Variants in CCDC125 observed in about 807,000 individuals in gnomAD.
The protein encoded by CCDC125 is coiled-coil domain-containing protein 125.
In CCDC125, 43 loss-of-function variants were observed where a neutral mutation model predicts 57.4. The ratio of observed to expected loss-of-function variants is 0.75; its 90% CI spans 0.59 to 0.97. CCDC125 has a LOEUF of 0.97. CCDC125 is among the 50% of genes least tolerant of loss of function. CCDC125 has a pLI of 0.00. For synonymous variants in CCDC125, 187 were observed against 195.2 expected, an observed-to-expected ratio of 0.96 and a Z score of 0.35; for missense variants, 563 against 595.7, an observed-to-expected ratio of 0.95 and a Z score of 0.57.
At chr5:69,312,545 T>G (rs915032380) in intron 3 of CCDC125, among the ~76,000 whole-genome samples, 1 of 152,220 alleles carries the variant, frequency 6.6e-6, no homozygotes. Context: ...GACTCTGGGC[T>G]TCTGACTTTA....
rs1247359166 is a variant in CCDC125, at chr5:69,286,187, ACTATATATATATATATATATATAT to A, written c.1100-744_1100-721del. ...CACTTAAAAACAGTTCAAATGGTAA[ACTATATATATATATATATATATAT>A]ATATATATATATATATATATATAAT... On this transcript the variant is annotated intron_variant, in intron 10 of 11. Coordinates refer to ENST00000396496, the MANE Select transcript of CCDC125 (RefSeq NM_176816.5). Among the ~76,000 whole-genome samples the A allele has an allele frequency of 1.3e-4, 7 of 53,942 alleles. 1 individual carries two copies. In the East Asian group the frequency reaches 2.2e-3, roughly 17 times the overall value. The allele number at this position is 53,942 out of a possible 152,430, so 35.4% of individuals were successfully genotyped here. A position where few individuals can be genotyped will look rare whatever the true frequency, so the allele number is the denominator to read the frequency against.
intron 9 of CCDC125, chr5:69,294,167 T>C (rs1353785406): frequency 4.1e-6 from 4 of 979,554 alleles, no homozygotes; most frequent in Admixed American, 1.2e-4. Flanking sequence ...ATCCTAGTGA[T>C]TTTAAGCATA....
chr5:69,305,451 G>A (rs1230792881), intron 6 of CCDC125, among the ~76,000 whole-genome samples: 2 of 152,110 alleles, frequency 1.3e-5, no homozygotes, highest in African/African-American at 2.4e-5. Flanking sequence ...GGCCTCAAGT[G>A]ATCCACCTGC....
In CCDC125 at chr5:69,311,263, C is replaced by T. The variant is rs1003975531; in HGVS notation, c.367-59G>A. 9.5e-6 allele frequency: 10 copies of T among 1,047,230 alleles called. No homozygotes were observed. In the Admixed American group the frequency reaches 1.0e-4, roughly 11 times the overall value. The allele number at this position is 1,047,230 out of a possible 1,614,324, so 64.9% of individuals were successfully genotyped here. A position where few individuals can be genotyped will look rare whatever the true frequency, so the allele number is the denominator to read the frequency against. ...GCAAGATATGCAACCCTAAAATTATCAGTTTGGCTAGTCTACATTTACCCT... is the reference window on the plus strand; with the variant it reads ...GCAAGATATGCAACCCTAAAATTATTAGTTTGGCTAGTCTACATTTACCCT... On this transcript the variant is annotated intron_variant, in intron 3 of 11. Transcript: ENST00000396496.
At chr5:69,313,670 G>A in intron 3 of CCDC125, 1 of 753,472 alleles carries the variant, frequency 1.3e-6, no homozygotes, top group South Asian at 1.4e-5. Flanking sequence ...AGGTGGCATA[G>A]GGGTTGTCGA....
chr5:69,331,862 C>A (rs997674840), intron 1 of CCDC125, among the ~76,000 whole-genome samples: 1 of 152,230 alleles, frequency 6.6e-6, no homozygotes, highest in Non-Finnish European at 1.5e-5. Context: ...TGAGTCTTCC[C>A]AGTTCTGGGA....
chr5:69,326,078 C>T (rs1257084219), intron 1 of CCDC125, among the ~76,000 whole-genome samples: 1 of 152,064 alleles, frequency 6.6e-6, no homozygotes, highest in Non-Finnish European at 1.5e-5. Flanking sequence ...CTCACGGGAT[C>T]CTTCCACCTC....
chr5:69,319,473 C>T (rs1759669224), intron 2 of CCDC125, among the ~76,000 whole-genome samples: 1 of 150,488 alleles, frequency 6.6e-6, no homozygotes, highest in East Asian at 2.0e-4. Flanking sequence ...GAAATATAAA[C>T]ATCGACTACT....
At chr5:69,323,459 C>T (rs963541728) in intron 1 of CCDC125, among the ~76,000 whole-genome samples, 1 of 151,994 alleles carries the variant, frequency 6.6e-6, no homozygotes. Flanking sequence ...CACTTCATTC[C>T]CGTGGATTTA....
In CCDC125 at chr5:69,316,714, T is replaced by C. The variant is rs374906988; in HGVS notation, c.305-2668A>G. Among the ~76,000 whole-genome samples, 112 of 152,288 alleles carry C rather than the reference T, an allele frequency of 7.4e-4. 2 individuals carry two copies. In the East Asian group the frequency reaches 0.019, roughly 26 times the overall value. ...TTTTTTGTGGAGTGTGGTCTTTCTA[T>C]GTTGACCAGGCTGGTGTCGAACTCC... On this transcript the variant is annotated intron_variant, in intron 2 of 11. Transcript: ENST00000396496.
chr5:69,316,046 ACTTT>A (rs1346532298), intron 2 of CCDC125, among the ~76,000 whole-genome samples: 1 of 152,174 alleles, frequency 6.6e-6, no homozygotes, highest in African/African-American at 2.4e-5. Context: ...TCTCAAAACA[ACTTT>A]CTTTGCTATT....
chr5:69,325,049 G>A (rs1376861879), intron 1 of CCDC125, among the ~76,000 whole-genome samples: 1 of 152,138 alleles, frequency 6.6e-6, no homozygotes, highest in South Asian at 2.1e-4. Context: ...ATTAGGCTGG[G>A]TGTGGTGGTT....
chr5:69,315,455 A>AC (rs1471203150), intron 2 of CCDC125, among the ~76,000 whole-genome samples: 2 of 9,264 alleles, frequency 2.2e-4, no homozygotes, highest in Non-Finnish European at 1.3e-3. Context: ...AAAAACAAAA[A>AC]AAAAAACAAA....
At chr5:69,277,267 C>G (rs1398156356), downstream of CCDC125, 1 of 506,830 alleles carries the variant, frequency 2.0e-6, no homozygotes, top group East Asian at 3.2e-5. Context: ...ATATGTAAAA[C>G]TATGGGTTAT....
At chr5:69,324,456 C>T (rs1326781551) in intron 1 of CCDC125, among the ~76,000 whole-genome samples, 1 of 152,202 alleles carries the variant, frequency 6.6e-6, no homozygotes, top group Admixed American at 6.5e-5. Context: ...GACCTGGCAA[C>T]TGCATTCTTC....
rs537472739 is a variant in CCDC125, at chr5:69,308,071, A to G, written c.454-43T>C. On this transcript the variant is annotated intron_variant, in intron 4 of 11. Transcript: ENST00000396496. ...AGCATCAGTATAAATTAAATTTGTA[A>G]TCACTCCTATGTACATCATGAAGTT... The G allele has an allele frequency of 2.5e-5, 32 of 1,284,888 alleles. No homozygotes were observed. In the South Asian group the frequency reaches 2.8e-4, roughly 11 times the overall value. The allele number at this position is 1,284,888 out of a possible 1,614,324, so 79.6% of individuals were successfully genotyped here. A position where few individuals can be genotyped will look rare whatever the true frequency, so the allele number is the denominator to read the frequency against.
Position 69,320,453 on chromosome 5 carries a change from ACC to A in CCDC125, c.86_87del (p.Gly29ValfsTer12). 6.2e-7 allele frequency: 1 copy of A among 1,613,218 alleles called. No individual in the cohort carries two copies. Among genetic ancestry groups the A allele is most frequent in the East Asian group, 2.2e-5 (1 of 44,870 alleles). Reference sequence around the variant, plus strand: ...CCACCAGGTTTCCTTCCGAGGCCATACCCTAAATCACCTTCTGTCATGTCATC... The same window carrying A: ...CCACCAGGTTTCCTTCCGAGGCCATACTAAATCACCTTCTGTCATGTCATC... ...EEDDMTEGDL[G>X]YGLGRKPGGI... is the part of the protein sequence containing the mutation. On this transcript the variant is annotated frameshift_variant, in exon 2 of 12. Transcript: ENST00000396496. LOFTEE classifies it high-confidence loss of function.
chr5:69,306,323 GT>G (rs1757323226), intron 6 of CCDC125, among the ~76,000 whole-genome samples: 1 of 151,840 alleles, frequency 6.6e-6, no homozygotes, highest in South Asian at 2.1e-4. Context: ...TTTGGTTTTT[GT>G]TTTTTTGTTT....
At position 69,307,997 on chromosome 5, in the gene CCDC125, T is replaced by A; in HGVS notation, c.485A>T (p.Gln162Leu). 3 of 1,614,062 alleles carry A rather than the reference T, an allele frequency of 1.9e-6. No individual in the cohort carries two copies. The highest frequency in any genetic ancestry group is 2.7e-5 in the African/African-American group (2 of 75,072). ...TTCCATAGTTTTTTGAAGCACTGCC[T>A]GCGTATGACTTGTGGCTTTGCCCAG... is the stretch of plus-strand genomic sequence containing the variant. ...AILGKATSHT[Q>L]AVLQKTMEQN... Residue 162 changes from glutamine (Q) to leucine (L), a missense_variant, in exon 5 of 12, where the codon CAG becomes CTG. Gln to Leu is a moderately radical substitution (Grantham distance 113). Transcript: ENST00000396496.
Sources: allele counts gnomAD v4.1 joint callset (sites outside exome capture counted in the v4.1 genomes callset), GRCh38; gene constraint gnomAD v4.1.1; transcripts MANE v1.5; gene names NCBI Gene and HGNC (gene_info 2026-07-23, HGNC 2026-07-21).